BCAS3: variants seen among roughly 807,000 people sequenced by gnomAD.
BCAS3 encodes BCAS4/BCAS3 fusion.
Under a neutral mutation model 116.1 loss-of-function variants are expected in BCAS3, and 53 were observed. The observed-to-expected ratio is 0.46, with a 90% confidence interval of 0.37 to 0.57. BCAS3 has a LOEUF of 0.57. BCAS3 is among the 20% of genes least tolerant of loss of function. BCAS3 has a pLI of 0.00. For synonymous variants in BCAS3, 391 were observed against 408.2 expected, an observed-to-expected ratio of 0.96 and a Z score of 0.51; for missense variants, 917 against 1,165.4, an observed-to-expected ratio of 0.79 and a Z score of 3.10.
Position 61,241,904 on chromosome 17 carries a change from G to A in BCAS3, c.2426-126423G>A, listed in dbSNP as rs2047554362. Among the ~76,000 whole-genome samples, 1 of 152,056 alleles carries A rather than the reference G, an allele frequency of 6.6e-6. No individual in the cohort carries two copies. The highest frequency in any genetic ancestry group is 1.5e-5 in the Non-Finnish European group (1 of 67,990). Reference sequence around the variant, plus strand: ...TATTCAGGTTTTTTCTTGTTTGTTTGTTGTTTACTAAAGAGGAATCATTTC... The same window carrying A: ...TATTCAGGTTTTTTCTTGTTTGTTTATTGTTTACTAAAGAGGAATCATTTC... On this transcript the variant is annotated intron_variant, in intron 22 of 23. Transcript: ENST00000407086. This position sits in a 1 kb window ranked among gnomAD's most constrained non-coding sequence, Gnocchi z 4.6.
At chr17:60,771,820 GTGA>G (rs59381675) in intron 6 of BCAS3, among the ~76,000 whole-genome samples, 41,450 of 151,836 alleles carry the variant, frequency 0.27, 11,305 homozygotes, top group African/African-American at 0.71. Flanking sequence ...TTCTGTCCTT[GTGA>G]TGATAGTTTG....
chr17:61,223,319 G>A (rs1344940509), intron 22 of BCAS3, among the ~76,000 whole-genome samples: 1 of 151,930 alleles, frequency 6.6e-6, no homozygotes, highest in Non-Finnish European at 1.5e-5. Flanking sequence ...ACCACGCCTG[G>A]CTAATTTTTT....
intron 22 of BCAS3, among the ~76,000 whole-genome samples, chr17:61,092,682 A>G (rs1190721241): frequency 6.6e-6 from 1 of 152,094 alleles, no homozygotes; most frequent in Non-Finnish European, 1.5e-5. Context: ...TAGTTAACTC[A>G]CTGATTTTTA....
rs926078841 is a variant in BCAS3 at position 61,338,862 on chromosome 17, G to C, written c.2426-29465G>C. Among the ~76,000 whole-genome samples the C allele has an allele frequency of 2.1e-5, 3 of 142,394 alleles. No individual in the cohort carries two copies. In the East Asian group the frequency reaches 6.1e-4, roughly 29 times the overall value. The allele number at this position is 142,394 out of a possible 152,430, so 93.4% of individuals were successfully genotyped here. ...GCAAATTCTTATCAGTCCTCAAATG[G>C]GAAGCCTATCTGGTGCCCTTACTGG... On this transcript the variant is annotated intron_variant, in intron 22 of 23. Transcript: ENST00000407086.
chr17:60,862,509 G>A (rs960289912), intron 7 of BCAS3, among the ~76,000 whole-genome samples: 1 of 152,088 alleles, frequency 6.6e-6, no homozygotes, highest in Admixed American at 6.6e-5. Flanking sequence ...GTTCTGTTCA[G>A]GGTTTTAATT....
At chr17:61,010,526 CAT>C (rs2065041761) in intron 15 of BCAS3, among the ~76,000 whole-genome samples, 1 of 150,694 alleles carries the variant, frequency 6.6e-6, no homozygotes, top group Non-Finnish European at 1.5e-5. Context: ...AGAAGATAAA[CAT>C]AGAAAGTCAG....
chr17:60,816,287 T>TTC (rs1351591142), intron 7 of BCAS3, among the ~76,000 whole-genome samples: 1 of 150,610 alleles, frequency 6.6e-6, no homozygotes, highest in African/African-American at 2.5e-5. Flanking sequence ...TTCTTTTTTT[T>TTC]TTTTTTGAGA....
chr17:60,902,609 C>CTT lies in BCAS3; in HGVS notation c.739-7_739-6dup, dbSNP rs1567829883. 3 of 1,590,604 alleles carry CTT rather than the reference C, an allele frequency of 1.9e-6. No individual in the cohort carries two copies. The Admixed American group carries it at 5.0e-5, about 27-fold the overall frequency. ...AATGACGTTCTGCTTCTCTCTCTCTCTTTTTCTCAGTTGATTCGATGTCAT... is the reference window on the plus strand; with the variant it reads ...AATGACGTTCTGCTTCTCTCTCTCTCTTTTTTTCTCAGTTGATTCGATGTCAT... On this transcript the variant is annotated splice_polypyrimidine_tract_variant and intron_variant, in intron 10 of 23. Coordinates refer to ENST00000407086, the MANE Select transcript of BCAS3 (RefSeq NM_017679.5).
At chr17:61,201,759 CTT>C (rs34301859) in intron 22 of BCAS3, among the ~76,000 whole-genome samples, 2,310 of 142,122 alleles carry the variant, frequency 0.016, 28 homozygotes, top group Non-Finnish European at 0.023. Flanking sequence ...AGGAAACTAA[CTT>C]TTTTTTTTTT....
chr17:60,835,795 C>T (rs569255286), intron 7 of BCAS3, among the ~76,000 whole-genome samples: 3 of 152,012 alleles, frequency 2.0e-5, no homozygotes, highest in South Asian at 2.1e-4. Flanking sequence ...TTCATATTCT[C>T]GTGATGAAAT....
rs552464169 is a variant in BCAS3, at chr17:60,927,249, T to C, written c.1087+2749T>C. Among the ~76,000 whole-genome samples, 26 of 152,050 alleles carry C rather than the reference T, an allele frequency of 1.7e-4. No homozygotes were observed. In the East Asian group the frequency reaches 2.5e-3, roughly 15 times the overall value. ...TATTTTTTTCTTTCTTTCTTTCTTT[T>C]TTTGTTTTTTGTTTGTTTTTTTTTT... On this transcript the variant is annotated intron_variant, in intron 13 of 23. Transcript: ENST00000407086.
Position 60,918,500 on chromosome 17 carries a change from A to G in BCAS3, c.994-5907A>G, listed in dbSNP as rs144579993. ...AATGTACCAGGTATTGTTGTTAACT[A>G]TTGTCACTCTACTATGGAATGTTAG... On this transcript the variant is annotated intron_variant, in intron 12 of 23. Transcript: ENST00000407086. 6.5e-3 allele frequency among the ~76,000 whole-genome samples: 983 copies of G among 152,208 alleles called. 2 individuals are homozygous for G. The highest frequency in any genetic ancestry group is 8.8e-3 in the Non-Finnish European group (600 of 68,016).
In BCAS3 at chr17:61,156,496, TG is replaced by T. The variant is rs2077847631; in HGVS notation, c.2425+71934del. Among the ~76,000 whole-genome samples the T allele has an allele frequency of 6.6e-6, 1 of 152,154 alleles. No individual in the cohort carries two copies. The highest frequency in any genetic ancestry group is 6.5e-5 in the Admixed American group (1 of 15,278). On this transcript the variant is annotated intron_variant, in intron 22 of 23. Transcript: ENST00000407086. The surrounding 1 kb of genome is among the most constrained non-coding windows in gnomAD (Gnocchi z 4.7). ...TTTCCTTGAGTGTCCTTACCTGAAA[TG>T]GTCTCTTTGGTTTTGTAGGTTCAGA... is the stretch of plus-strand genomic sequence containing the variant.
intron 4 of BCAS3, among the ~76,000 whole-genome samples, chr17:60,701,302 A>G (rs991762691): frequency 6.6e-6 from 1 of 152,200 alleles, no homozygotes; most frequent in African/African-American, 2.4e-5. Flanking sequence ...GTCGAGGAAG[A>G]GGAATGTTTA....
intron 7 of BCAS3, chr17:60,810,519 GA>G: frequency 1.2e-6 from 1 of 831,194 alleles, no homozygotes; most frequent in Non-Finnish European, 2.0e-6. Context: ...ACCTGGAGAA[GA>G]AGGGACCCCA....
chr17:60,680,960 C>G (rs1295221452), intron 2 of BCAS3, among the ~76,000 whole-genome samples: 7 of 152,180 alleles, frequency 4.6e-5, no homozygotes, highest in Non-Finnish European at 1.0e-4. Flanking sequence ...GATATGTATA[C>G]TTGAAGGCTG....
chr17:61,334,846 G>A (rs2056595691), intron 22 of BCAS3, among the ~76,000 whole-genome samples: 2 of 152,178 alleles, frequency 1.3e-5, no homozygotes, highest in Non-Finnish European at 2.9e-5. Context: ...ATTTATTAGT[G>A]CCCAGTAAAT....
rs776425376 is a variant in BCAS3, at chr17:61,362,417, A to G, written c.2426-5910A>G. On this transcript the variant is annotated intron_variant, in intron 22 of 23. Transcript: ENST00000407086. This position sits in a 1 kb window ranked among gnomAD's most constrained non-coding sequence, Gnocchi z 4.4. ...CTCTCAGCAAAATCCAAACCTGGGCAGAACCTCATTAACGCAAAGCGGAGG... is the reference window on the plus strand; with the variant it reads ...CTCTCAGCAAAATCCAAACCTGGGCGGAACCTCATTAACGCAAAGCGGAGG... 3.9e-5 allele frequency among the ~76,000 whole-genome samples: 6 copies of G among 152,248 alleles called. No individual in the cohort carries two copies. The highest frequency in any genetic ancestry group is 5.9e-5 in the Non-Finnish European group (4 of 68,046).
chr17:60,962,516 A>AT lies in BCAS3; in HGVS notation c.1221+15169dup, dbSNP rs2061461898. ...AAATGTGTGTTCAGGTCTTTTGCCC[A>AT]TTTTTAAATTTTCTTATTTTTTCTT... On this transcript the variant is annotated intron_variant, in intron 14 of 23. Coordinates refer to ENST00000407086, the MANE Select transcript of BCAS3 (RefSeq NM_017679.5). The surrounding 1 kb of genome is among the most constrained non-coding windows in gnomAD (Gnocchi z 4.4). Among the ~76,000 whole-genome samples, 1 of 151,908 alleles carries AT rather than the reference A, an allele frequency of 6.6e-6. No homozygotes were observed.
Sources: gnomAD v4.1 joint callset for allele counts (sites outside exome capture counted in the v4.1 genomes callset) on GRCh38, gnomAD v4.1.1 for gene constraint, Gnocchi (gnomAD v3.1) non-coding constraint, MANE v1.5 for transcripts, NCBI Gene and HGNC (gene_info 2026-07-23, HGNC 2026-07-21) for gene names.